FAM20C: variants seen among roughly 807,000 people sequenced by gnomAD.
FAM20C encodes FAM20C golgi associated secretory pathway kinase, also known as extracellular serine/threonine protein kinase FAM20C.
A neutral mutation model predicts 51.5 loss-of-function variants in FAM20C; 40 were observed. That is an observed-to-expected ratio of 0.78 (90% CI 0.60 to 1.01). The LOEUF is 1.01. Ranked by LOEUF, FAM20C falls within the 50% of genes least tolerant of loss-of-function variation. The pLI, the probability that FAM20C is intolerant of heterozygous loss-of-function variation, is 0.00. For missense variants in FAM20C, 861 were observed against 844.7 expected, an observed-to-expected ratio of 1.02 and a Z score of -0.24; for synonymous variants, 406 against 380.6, an observed-to-expected ratio of 1.07 and a Z score of -0.78.
intron 3 of FAM20C, among the ~76,000 whole-genome samples, chr7:222,949 T>C (rs1175757729): frequency 6.6e-6 from 1 of 152,040 alleles, no homozygotes; most frequent in Non-Finnish European, 1.5e-5. Context: ...TGTGCATGTG[T>C]GTGTGAGGGC....
chr7:193,805 G>A lies in FAM20C; in HGVS notation c.605+1G>A. The A allele has an allele frequency of 6.4e-7, 1 of 1,555,412 alleles. No individual in the cohort carries two copies. Reference sequence around the variant, plus strand: ...CCAAAGCGGCGGAGAACCCGGACTGGTGAGTGGGGGCTGGCAGGTGCCCAC... The same window carrying A: ...CCAAAGCGGCGGAGAACCCGGACTGATGAGTGGGGGCTGGCAGGTGCCCAC... On this transcript the variant is annotated splice_donor_variant, in intron 1 of 9. Transcript: ENST00000313766. LOFTEE classifies it high-confidence loss of function.
intron 2 of FAM20C, among the ~76,000 whole-genome samples, chr7:198,224 C>G (rs953483069): frequency 2.6e-5 from 4 of 152,172 alleles, no homozygotes; most frequent in Admixed American, 6.5e-5. Flanking sequence ...CAGACACAGC[C>G]GCATCACCCA....
At chr7:256,171 T>C (rs1788582969) in intron 6 of FAM20C, 142 bp downstream of exon 6, 2 of 1,073,884 alleles carry the variant, frequency 1.9e-6, no homozygotes, top group Non-Finnish European at 2.6e-6. Flanking sequence ...CTGTGTGAGA[T>C]GACCGCTTCC....
chr7:203,827 T>C (rs1222519694), intron 2 of FAM20C, among the ~76,000 whole-genome samples: 3 of 152,174 alleles, frequency 2.0e-5, no homozygotes, highest in South Asian at 2.1e-4. Flanking sequence ...AAACCGGGAT[T>C]ACAAGCCCTG....
chr7:197,728 G>A (rs755131426), intron 2 of FAM20C, among the ~76,000 whole-genome samples: 4 of 152,178 alleles, frequency 2.6e-5, no homozygotes, highest in Admixed American at 6.5e-5. Flanking sequence ...ACTGCAGCTC[G>A]CCACCTCCCT....
intron 3 of FAM20C, among the ~76,000 whole-genome samples, chr7:225,981 C>A (rs28710895): frequency 2.7e-5 from 4 of 147,142 alleles, no homozygotes; most frequent in African/African-American, 1.1e-4. Context: ...CTCATGGGGT[C>A]GCACGGCGGC....
At chr7:196,237 A>G (rs533002769) in intron 2 of FAM20C, among the ~76,000 whole-genome samples, 20 of 152,350 alleles carry the variant, frequency 1.3e-4, no homozygotes, top group African/African-American at 3.6e-4. Context: ...CTGAGGAGAC[A>G]TAGGCAGGGC....
chr7:198,963 G>A (rs1033967145), intron 2 of FAM20C, among the ~76,000 whole-genome samples: 2 of 152,234 alleles, frequency 1.3e-5, no homozygotes, highest in East Asian at 3.8e-4. Context: ...GTTCTCATTT[G>A]TGAAGAGGTC....
chr7:217,230 G>A (rs372516634), intron 3 of FAM20C, among the ~76,000 whole-genome samples: 10 of 152,126 alleles, frequency 6.6e-5, no homozygotes, highest in East Asian at 3.9e-4. Flanking sequence ...CTTTGGCCTC[G>A]GACTTGCAGC....
chr7:257,032 C>A lies in FAM20C; in HGVS notation c.1391C>A (p.Thr464Asn). ...MGNMDRHHYETFEKFGNETFI... is the reference protein window; with the variant it reads ...MGNMDRHHYENFEKFGNETFI... ...AACATGGACCGTCACCACTACGAGA[C>A]TTTTGAGAAGTTTGGGAATGAAACG... is the stretch of plus-strand genomic sequence containing the variant. The change falls in exon 8 of 10, where the codon ACT becomes AAT. Residue 464 changes from threonine (T) to asparagine (N), a missense_variant. Physicochemically the swap from Thr to Asn is moderately conservative, Grantham distance 65. This residue lies in a region of FAM20C where 269 missense variants were observed against 283.8 expected (regional missense o/e 0.95). Transcript: ENST00000313766. 1 of 1,537,154 alleles carries A rather than the reference C, an allele frequency of 6.5e-7. No homozygotes were observed. The highest frequency in any genetic ancestry group is 1.2e-5 in the South Asian group (1 of 84,062).
rs116181849 is a variant in FAM20C, at chr7:195,679, C to G, written c.731C>G (p.Pro244Arg). 1.9e-6 allele frequency: 3 copies of G among 1,611,182 alleles called. No individual in the cohort carries two copies. In the Admixed American group the frequency reaches 5.0e-5, roughly 27 times the overall value. ...TACGAGCTGTACTCCAGACACAACC[C>G]GGCCATCGAGGCCCTGCTGCACGAC... is the stretch of plus-strand genomic sequence containing the variant. The part of the protein sequence containing the change: ...NRYELYSRHN[P>R]AIEALLHDLS... Residue 244 changes from proline (P) to arginine (R), a missense_variant, in exon 2 of 10, where the codon CCG (proline) becomes CGG (arginine). By Grantham distance (103) the Pro-to-Arg change is moderately radical (BLOSUM62 -2). Around this residue, in one of 3 missense-constraint regions of FAM20C, gnomAD observed 561 missense variants for 499.8 expected, o/e 1.12. Transcript: ENST00000313766.
chr7:193,513 A>G lies in FAM20C; in HGVS notation c.314A>G (p.His105Arg). Residue 105 changes from histidine to arginine, a missense_variant, in exon 1 of 10, where the codon CAC becomes CGC. By Grantham distance (29) the His-to-Arg change is conservative (BLOSUM62 0). This residue lies in a region of FAM20C where 561 missense variants were observed against 499.8 expected (regional missense o/e 1.12). Transcript: ENST00000313766. Reference protein sequence around the residue: ...SSDPSSNLSSHSLEKLPPAAE... With the variant: ...SSDPSSNLSSRSLEKLPPAAE... Reference sequence around the variant, plus strand: ...GACCCCTCCTCCAACCTCTCGTCCCACTCGCTGGAGAAACTGCCGCCCGCG... The same window carrying G: ...GACCCCTCCTCCAACCTCTCGTCCCGCTCGCTGGAGAAACTGCCGCCCGCG... 1 of 1,502,256 alleles carries G rather than the reference A, an allele frequency of 6.7e-7. No individual in the cohort carries two copies. Among genetic ancestry groups the G allele is most frequent in the Non-Finnish European group, 8.9e-7 (1 of 1,122,830 alleles). 93.1% of individuals were successfully genotyped at this position (1,502,256 alleles called of 1,614,324 possible). A position where few individuals can be genotyped will look rare whatever the true frequency, so the allele number is the denominator to read the frequency against.
In FAM20C at chr7:193,149, G is replaced by C; in HGVS notation, c.-51G>C. The C allele has an allele frequency of 7.1e-7, 1 of 1,414,154 alleles. No homozygotes were observed. The highest frequency in any genetic ancestry group is 9.3e-7 in the Non-Finnish European group (1 of 1,074,450). 87.6% of individuals were successfully genotyped at this position (1,414,154 alleles called of 1,614,324 possible). On this transcript the variant is annotated 5_prime_UTR_variant, in exon 1 of 10. It removes the in-frame stop codon of an upstream open reading frame in the 5' UTR. Coordinates refer to ENST00000313766, the MANE Select transcript of FAM20C (RefSeq NM_020223.4). ...CCGCGCTCGTGCCCAGCTGCAGCTA[G>C]AGGGGCGCGCGGGCAGAACGCGCTC...
At chr7:203,739 G>A (rs1246277698) in intron 2 of FAM20C, among the ~76,000 whole-genome samples, 5 of 152,140 alleles carry the variant, frequency 3.3e-5, no homozygotes, top group African/African-American at 1.2e-4. Context: ...CTGAGCACAG[G>A]GGCCAGGAAG....
chr7:194,593 C>G (rs78724367), intron 1 of FAM20C, among the ~76,000 whole-genome samples: 3,528 of 152,302 alleles, frequency 0.023, 105 homozygotes, highest in African/African-American at 0.072. Context: ...CCTGAAATGT[C>G]CAGGCCCAGT....
chr7:252,913 AG>A (rs1788455272), intron 5 of FAM20C, among the ~76,000 whole-genome samples: 1 of 152,244 alleles, frequency 6.6e-6, no homozygotes, highest in Non-Finnish European at 1.5e-5. Flanking sequence ...AACGTCCCAG[AG>A]GTGCACAGGT....
intron 3 of FAM20C, among the ~76,000 whole-genome samples, chr7:235,091 G>A (rs950072768): frequency 1.3e-5 from 2 of 152,012 alleles, no homozygotes; most frequent in African/African-American, 4.8e-5. Context: ...CCCAGGCTGC[G>A]GCATTTTCAA....
At chr7:231,507 C>T (rs546263267) in intron 3 of FAM20C, among the ~76,000 whole-genome samples, 5 of 151,344 alleles carry the variant, frequency 3.3e-5, no homozygotes, top group East Asian at 2.0e-4. Context: ...TCGAGGGCCC[C>T]GTGGGAGGAG....
In FAM20C at chr7:231,793, C is replaced by CAG. The variant is rs1293097893; in HGVS notation, c.864-14621_864-14620dup. Among the ~76,000 whole-genome samples the CAG allele has an allele frequency of 2.6e-5, 4 of 152,258 alleles. No homozygotes were observed. The East Asian group carries it at 7.7e-4, about 29-fold the overall frequency. ...ACCGGGTCTTTTTCTGCCTGTCTGG[C>CAG]AGGGTTTGGGAGGTGGTGGTTTTCC... On this transcript the variant is annotated intron_variant, in intron 3 of 9. Transcript: ENST00000313766.
Sources: gnomAD v4.1 joint callset for allele counts (sites outside exome capture counted in the v4.1 genomes callset) on GRCh38, gnomAD v4.1.1 for gene constraint, gnomAD v4.1.1 regional missense constraint, MANE v1.5 for transcripts, NCBI Gene and HGNC (gene_info 2026-07-23, HGNC 2026-07-21) for gene names.